The following PLCL1 variants were observed in gnomAD, a reference collection of about 807,000 sequenced individuals.
PLCL1 encodes the protein phospholipase C like 1 (inactive), also known as inactive phospholipase C-like protein 1.
PLCL1 carries 41 observed loss-of-function variants against 84.4 expected under a neutral mutation model. That is an observed-to-expected ratio of 0.49 (90% CI 0.38 to 0.63). The LOEUF is 0.63. PLCL1 is among the 30% of genes least tolerant of loss of function. PLCL1 has a pLI of 0.00. For synonymous variants in PLCL1, 490 were observed against 488.3 expected (o/e 1.00, Z -0.05); for missense variants, 1,206 against 1,367.8 (o/e 0.88, Z 1.87).
At chr2:197,819,175 C>T (rs1015459563) in intron 1 of PLCL1, among the ~76,000 whole-genome samples, 40 of 152,144 alleles carry the variant, frequency 2.6e-4, no homozygotes, top group African/African-American at 8.7e-4. Flanking sequence ...GGAGAGACCT[C>T]GGCTTCATTT....
intron 1 of PLCL1, among the ~76,000 whole-genome samples, chr2:197,869,297 T>C (rs1348493750): frequency 6.6e-6 from 1 of 152,162 alleles, no homozygotes; most frequent in East Asian, 1.9e-4. Flanking sequence ...AGTGAAATTA[T>C]TATTTTAAGA....
At chr2:198,061,948 C>T (rs73061091) in intron 1 of PLCL1, among the ~76,000 whole-genome samples, 4,983 of 152,270 alleles carry the variant, frequency 0.033, 266 homozygotes, top group African/African-American at 0.11. Context: ...ACTTTTTCCT[C>T]CATACACATT....
Position 197,805,367 on chromosome 2 carries a change from C to A in PLCL1, c.240+28C>A. The A allele has an allele frequency of 7.5e-7, 1 of 1,336,174 alleles. No individual in the cohort carries two copies. The highest frequency in any genetic ancestry group is 9.5e-7 in the Non-Finnish European group (1 of 1,049,090). The allele number at this position is 1,336,174 out of a possible 1,614,324, so 82.8% of individuals were successfully genotyped here. On this transcript the variant is annotated intron_variant, in intron 1 of 5. Coordinates refer to ENST00000428675, the MANE Select transcript of PLCL1 (RefSeq NM_006226.4). This position sits in a 1 kb window ranked among gnomAD's most constrained non-coding sequence, Gnocchi z 4.0. ...AAGCAAAGCCGCGCCGCACCGGGAG[C>A]GTGGCTGTGGGTGATGGGTGGGTCA...
At chr2:198,137,101 G>C (rs1000345517) in intron 5 of PLCL1, among the ~76,000 whole-genome samples, 16 of 152,014 alleles carry the variant, frequency 1.1e-4, no homozygotes, top group African/African-American at 3.9e-4. Context: ...TCTATTTGAT[G>C]ACATGTGCAC....
chr2:197,906,302 T>G (rs1688380451), intron 1 of PLCL1, among the ~76,000 whole-genome samples: 1 of 152,076 alleles, frequency 6.6e-6, no homozygotes, highest in African/African-American at 2.4e-5. Flanking sequence ...CCAATGCCAT[T>G]TATCAAATAG....
At chr2:198,124,243 A>G (rs962855242) in intron 5 of PLCL1, among the ~76,000 whole-genome samples, 1 of 152,122 alleles carries the variant, frequency 6.6e-6, no homozygotes, top group African/African-American at 2.4e-5. Context: ...GAATTTCACT[A>G]GCTTATCGCT....
intron 1 of PLCL1, among the ~76,000 whole-genome samples, chr2:197,970,818 CTG>C (rs1689848924): frequency 1.3e-5 from 2 of 152,292 alleles, no homozygotes; most frequent in South Asian, 4.1e-4. Flanking sequence ...AATGAACAAA[CTG>C]TGTCTCCATT....
At chr2:197,971,270 C>T (rs541757769) in intron 1 of PLCL1, among the ~76,000 whole-genome samples, 4 of 152,174 alleles carry the variant, frequency 2.6e-5, no homozygotes, top group African/African-American at 9.7e-5. Flanking sequence ...TCTGCAGCAT[C>T]AGCTGTGGGG....
At chr2:198,117,096 T>C (rs1693763981) in intron 5 of PLCL1, among the ~76,000 whole-genome samples, 1 of 151,946 alleles carries the variant, frequency 6.6e-6, no homozygotes, top group African/African-American at 2.4e-5. Flanking sequence ...AACTGGTTCA[T>C]GAATGTGTTG....
At chr2:197,996,544 A>C (rs954515443) in intron 1 of PLCL1, among the ~76,000 whole-genome samples, 1 of 152,040 alleles carries the variant, frequency 6.6e-6, no homozygotes, top group African/African-American at 2.4e-5. Flanking sequence ...GTGTGGGGAG[A>C]GGTGAATATT....
chr2:198,132,541 C>T (rs1694144773), intron 5 of PLCL1, among the ~76,000 whole-genome samples: 1 of 151,998 alleles, frequency 6.6e-6, no homozygotes, highest in Non-Finnish European at 1.5e-5. Flanking sequence ...TCCTCTCCCA[C>T]TAGATACTGA....
chr2:197,907,902 C>A (rs1270558885), intron 1 of PLCL1, among the ~76,000 whole-genome samples: 1 of 152,106 alleles, frequency 6.6e-6, no homozygotes, highest in Non-Finnish European at 1.5e-5. Context: ...TTAAAATCAC[C>A]TTACATTCTA....
chr2:197,886,228 A>G (rs1687919362), intron 1 of PLCL1, among the ~76,000 whole-genome samples: 1 of 151,936 alleles, frequency 6.6e-6, no homozygotes, highest in Admixed American at 6.6e-5. Context: ...CTTGACCAAT[A>G]TGGTGAAACC....
chr2:197,891,651 A>G (rs1392892935), intron 1 of PLCL1, among the ~76,000 whole-genome samples: 2 of 151,514 alleles, frequency 1.3e-5, no homozygotes, highest in Non-Finnish European at 2.9e-5. Context: ...GAGATAAGCT[A>G]ATCTGACAGG....
At chr2:198,131,353 C>T (rs923229634) in intron 5 of PLCL1, among the ~76,000 whole-genome samples, 1 of 152,154 alleles carries the variant, frequency 6.6e-6, no homozygotes, top group Non-Finnish European at 1.5e-5. Context: ...TACGTATTCC[C>T]ACAGAACTCT....
chr2:197,858,573 T>G (rs1436024991), intron 1 of PLCL1, among the ~76,000 whole-genome samples: 1 of 152,226 alleles, frequency 6.6e-6, no homozygotes, highest in Non-Finnish European at 1.5e-5. Context: ...TGTACTATTT[T>G]TCCTAATGAA....
intron 1 of PLCL1, among the ~76,000 whole-genome samples, chr2:197,954,567 A>G (rs1160491376): frequency 6.6e-6 from 1 of 152,082 alleles, no homozygotes; most frequent in Non-Finnish European, 1.5e-5. Context: ...CTAATTTAGT[A>G]TAATACGATG....
intron 5 of PLCL1, among the ~76,000 whole-genome samples, chr2:198,133,351 G>A (rs1479109220): frequency 1.5e-5 from 2 of 130,090 alleles, no homozygotes; most frequent in Admixed American, 9.2e-5. Flanking sequence ...ACATGAAGGG[G>A]AATACCACAC....
At chr2:197,996,231 G>A (rs2105816664) in intron 1 of PLCL1, among the ~76,000 whole-genome samples, 1 of 152,274 alleles carries the variant, frequency 6.6e-6, no homozygotes, top group South Asian at 2.1e-4. Flanking sequence ...CTGCATGGTA[G>A]TGGAAGTCAC....
Sources: allele counts gnomAD v4.1 joint callset (sites outside exome capture counted in the v4.1 genomes callset), GRCh38; gene constraint gnomAD v4.1.1; non-coding constraint Gnocchi (gnomAD v3.1); transcripts MANE v1.5; gene names NCBI Gene and HGNC (gene_info 2026-07-23, HGNC 2026-07-21).